HACD2: variants seen among roughly 807,000 people sequenced by gnomAD.
HACD2 encodes the protein very-long-chain (3R)-3-hydroxyacyl-CoA dehydratase 2.
Under a neutral mutation model 31.0 loss-of-function variants are expected in HACD2, and 15 were observed. The observed-to-expected ratio is 0.48, with a 90% confidence interval of 0.32 to 0.75. The LOEUF is 0.75. Ranked by LOEUF, HACD2 falls within the 30% of genes least tolerant of loss-of-function variation. HACD2 has a pLI of 0.03. For missense variants in HACD2, 283 were observed against 313.0 expected, an observed-to-expected ratio of 0.90 and a Z score of 0.72; for synonymous variants, 115 against 122.2, an observed-to-expected ratio of 0.94 and a Z score of 0.39.
At chr3:123,573,439 G>A (rs192330242) in intron 2 of HACD2, among the ~76,000 whole-genome samples, 68 of 152,228 alleles carry the variant, frequency 4.5e-4, no homozygotes, top group Admixed American at 3.2e-3. Context: ...TCATTTGAGC[G>A]TAAATTTGGG....
intron 4 of HACD2, among the ~76,000 whole-genome samples, chr3:123,519,002 A>C (rs1324642216): frequency 6.6e-6 from 1 of 150,518 alleles, no homozygotes; most frequent in Non-Finnish European, 1.5e-5. Context: ...AACTAAAAAA[A>C]AAAAAAAAAA....
intron 6 of HACD2, among the ~76,000 whole-genome samples, 195 bp downstream of exon 6, chr3:123,500,320 A>T (rs2055887078): frequency 6.6e-6 from 1 of 152,240 alleles, no homozygotes; most frequent in Admixed American, 6.5e-5. Flanking sequence ...AACTGTATTG[A>T]GAAGGGTTCA....
chr3:123,505,633 C>T (rs903741535), intron 4 of HACD2, among the ~76,000 whole-genome samples: 3 of 152,264 alleles, frequency 2.0e-5, no homozygotes, highest in Non-Finnish European at 4.4e-5. Context: ...AAACAAACAA[C>T]ACTCCAGGAT....
At chr3:123,559,978 T>C (rs371793707) in intron 3 of HACD2, among the ~76,000 whole-genome samples, 1 of 152,202 alleles carries the variant, frequency 6.6e-6, no homozygotes, top group African/African-American at 2.4e-5. Flanking sequence ...GCTCTATTTC[T>C]CTCTTCCTTT....
At chr3:123,517,155 G>A (rs1472499223) in intron 4 of HACD2, among the ~76,000 whole-genome samples, 1 of 152,172 alleles carries the variant, frequency 6.6e-6, no homozygotes, top group Non-Finnish European at 1.5e-5. Context: ...CATACAACCT[G>A]ATGGCTGTCT....
intron 3 of HACD2, among the ~76,000 whole-genome samples, chr3:123,551,590 C>T (rs569686599): frequency 6.6e-6 from 1 of 151,494 alleles, no homozygotes; most frequent in Admixed American, 6.6e-5. Context: ...TGCCATTGCA[C>T]TCCAGCCTGG....
intron 4 of HACD2, among the ~76,000 whole-genome samples, chr3:123,507,836 C>T (rs1305240790): frequency 3.3e-5 from 5 of 152,088 alleles, no homozygotes; most frequent in Non-Finnish European, 5.9e-5. Context: ...GGTACATTTA[C>T]TAAAAACCAT....
intron 5 of HACD2, 125 bp from the exon 6 acceptor site, chr3:123,500,818 C>T: frequency 1.9e-6 from 1 of 530,828 alleles, no homozygotes. Flanking sequence ...TTCCTGTTTA[C>T]CTGCTACTCA....
intron 4 of HACD2, among the ~76,000 whole-genome samples, chr3:123,516,107 A>G (rs182197886): frequency 2.0e-5 from 3 of 152,224 alleles, no homozygotes; most frequent in Admixed American, 1.3e-4. Context: ...AGTGTCCTTT[A>G]TAATTTATTA....
In HACD2 at chr3:123,528,419, A is replaced by T; in HGVS notation, c.348T>A (p.Phe116Leu). The T allele has an allele frequency of 6.2e-7, 1 of 1,613,064 alleles. No homozygotes were observed. Among genetic ancestry groups the T allele is most frequent in the Non-Finnish European group, 8.5e-7 (1 of 1,179,124 alleles). ...LTSFQVMSRV[F>L]LIWAVTHSVK... Reference sequence around the variant, plus strand: ...CGCTATGTGTTACTGCCCATATTAGAAAAACTCTTGACATCACCTGGAAAG... The same window carrying T: ...CGCTATGTGTTACTGCCCATATTAGTAAAACTCTTGACATCACCTGGAAAG... Residue 116 changes from phenylalanine to leucine, a missense_variant, in exon 4 of 7, where the codon TTT becomes TTA. Physicochemically the swap from Phe to Leu is conservative, Grantham distance 22. Coordinates refer to ENST00000383657, the MANE Select transcript of HACD2 (RefSeq NM_198402.5).
At chr3:123,513,795 G>A (rs188636034) in intron 4 of HACD2, among the ~76,000 whole-genome samples, 4 of 152,200 alleles carry the variant, frequency 2.6e-5, no homozygotes, top group Admixed American at 6.5e-5. Context: ...TGGACGGTTC[G>A]TGGAATTTGA....
At chr3:123,502,343 T>C (rs957246971) in intron 5 of HACD2, among the ~76,000 whole-genome samples, 1 of 152,212 alleles carries the variant, frequency 6.6e-6, no homozygotes, top group African/African-American at 2.4e-5. Context: ...TGATCCCAAT[T>C]AAAATAATTT....
chr3:123,543,238 C>T (rs897251269), intron 3 of HACD2, among the ~76,000 whole-genome samples: 38 of 152,100 alleles, frequency 2.5e-4, no homozygotes, highest in African/African-American at 7.5e-4. Context: ...CCAATTTGAC[C>T]GTCAACGGAT....
chr3:123,534,830 A>C (rs1261482942), intron 3 of HACD2, among the ~76,000 whole-genome samples: 1 of 44,950 alleles, frequency 2.2e-5, no homozygotes, highest in Non-Finnish European at 5.8e-5. Flanking sequence ...TTTTAACAAA[A>C]AAGTTTTAAA....
At chr3:123,519,039 AGAGG>A (rs1252408254) in intron 4 of HACD2, among the ~76,000 whole-genome samples, 1 of 150,382 alleles carries the variant, frequency 6.6e-6, no homozygotes. Context: ...AGAGGAAGTG[AGAGG>A]GAGAAGGTGC....
chr3:123,558,782 C>G (rs1195729694), intron 3 of HACD2, among the ~76,000 whole-genome samples: 5 of 152,172 alleles, frequency 3.3e-5, no homozygotes, highest in African/African-American at 1.2e-4. Context: ...AAAGATGACT[C>G]AAGTTTTCAC....
chr3:123,518,669 C>T (rs1055319640), intron 4 of HACD2, among the ~76,000 whole-genome samples: 22 of 152,114 alleles, frequency 1.4e-4, no homozygotes, highest in African/African-American at 5.1e-4. Context: ...AAAAGAGATT[C>T]ACAATTTTCA....
intron 3 of HACD2, among the ~76,000 whole-genome samples, chr3:123,549,555 C>A (rs961455961): frequency 3.3e-5 from 5 of 152,130 alleles, no homozygotes; most frequent in Admixed American, 3.3e-4. Context: ...TGAGACCAGT[C>A]TGGACAACAT....
chr3:123,555,341 G>C (rs1311431388), intron 3 of HACD2, among the ~76,000 whole-genome samples: 3 of 151,862 alleles, frequency 2.0e-5, no homozygotes, highest in African/African-American at 4.8e-5. Flanking sequence ...AGATCTCAAA[G>C]AATCTACAAA....
Sources: gnomAD v4.1 joint callset for allele counts (sites outside exome capture counted in the v4.1 genomes callset) on GRCh38, gnomAD v4.1.1 for gene constraint, MANE v1.5 for transcripts, NCBI Gene and HGNC (gene_info 2026-07-23, HGNC 2026-07-21) for gene names.